ATP9A: variants seen among roughly 807,000 people sequenced by gnomAD.
The protein encoded by ATP9A is probable phospholipid-transporting ATPase IIA.
Under a neutral mutation model 144.1 loss-of-function variants are expected in ATP9A, and 52 were observed. The ratio of observed to expected loss-of-function variants is 0.36; its 90% CI spans 0.29 to 0.45. ATP9A has a LOEUF of 0.45. Ranked by LOEUF, ATP9A falls within the 20% of genes least tolerant of loss-of-function variation. The pLI is 1.00. For synonymous variants in ATP9A, 582 were observed against 557.4 expected, an observed-to-expected ratio of 1.04 and a Z score of -0.62; for missense variants, 947 against 1,392.7, an observed-to-expected ratio of 0.68 and a Z score of 5.09.
At chr20:51,628,800 C>T (rs1439045230) in intron 16 of ATP9A, among the ~76,000 whole-genome samples, 180 bp downstream of exon 16, 1 of 152,258 alleles carries the variant, frequency 6.6e-6, no homozygotes, top group South Asian at 2.1e-4. Flanking sequence ...GCCACACCAG[C>T]ATCCCTGACC....
chr20:51,607,200 C>T (rs1367532843), intron 26 of ATP9A, among the ~76,000 whole-genome samples: 7 of 152,174 alleles, frequency 4.6e-5, no homozygotes, highest in Non-Finnish European at 8.8e-5. Context: ...TCCAAAACTA[C>T]GACTTGACCT....
At chr20:51,725,748 G>A in intron 3 of ATP9A, 71 bp downstream of exon 3, 2 of 1,106,812 alleles carry the variant, frequency 1.8e-6, no homozygotes, top group Non-Finnish European at 2.8e-6. Flanking sequence ...AGATGCCTAA[G>A]TGAGAGAAAC....
chr20:51,623,799 A>AG (rs2077236507), intron 18 of ATP9A, among the ~76,000 whole-genome samples: 1 of 143,392 alleles, frequency 7.0e-6, no homozygotes, highest in African/African-American at 2.6e-5. Flanking sequence ...AAAAAAAAAA[A>AG]AAAAAGAAAG....
chr20:51,634,679 A>C (rs574580396), intron 15 of ATP9A, among the ~76,000 whole-genome samples: 70 of 152,026 alleles, frequency 4.6e-4, no homozygotes, highest in African/African-American at 1.7e-3. Context: ...AACATGGAGA[A>C]ACCCCATCTC....
rs146853504 is a variant in ATP9A, at chr20:51,613,547, T to C, written c.2571+130A>G. The C allele has an allele frequency of 9.2e-6, 10 of 1,089,708 alleles. No homozygotes were observed. In the East Asian group the frequency reaches 2.2e-4, roughly 24 times the overall value. The allele number at this position is 1,089,708 out of a possible 1,614,324, so 67.5% of individuals were successfully genotyped here. On this transcript the variant is annotated intron_variant, in intron 23 of 27. Coordinates refer to ENST00000338821, the MANE Select transcript of ATP9A (RefSeq NM_006045.3). ...AGGTAGGGGTGACAGCTCCAAAGCATAATCTAATTCCCAGGCTTTTTCCAT... is the reference window on the plus strand; with the variant it reads ...AGGTAGGGGTGACAGCTCCAAAGCACAATCTAATTCCCAGGCTTTTTCCAT...
At position 51,703,666 on chromosome 20, in the gene ATP9A, T is replaced by C. The variant is rs186094913; in HGVS notation, c.437-6184A>G. Among the ~76,000 whole-genome samples the C allele has an allele frequency of 3.9e-5, 6 of 152,278 alleles. No homozygotes were observed. The East Asian group carries it at 9.7e-4, about 24-fold the overall frequency. Reference sequence around the variant, plus strand: ...TCAGAATAAGAGCAGTTTGTCTACATTGCAGGGAGAAACCAGATGTTTCCC... The same window carrying C: ...TCAGAATAAGAGCAGTTTGTCTACACTGCAGGGAGAAACCAGATGTTTCCC... On this transcript the variant is annotated intron_variant, in intron 4 of 27. Transcript: ENST00000338821.
intron 1 of ATP9A, among the ~76,000 whole-genome samples, chr20:51,753,825 C>A (rs1453230605): frequency 6.6e-6 from 1 of 151,574 alleles, no homozygotes; most frequent in African/African-American, 2.4e-5. Flanking sequence ...TGCCACCATG[C>A]CCAGCTAATT....
intron 14 of ATP9A, among the ~76,000 whole-genome samples, chr20:51,646,907 T>C (rs1601079770): frequency 6.6e-6 from 1 of 151,912 alleles, no homozygotes; most frequent in South Asian, 2.1e-4. Context: ...ACCTGAGGTA[T>C]GGAGCCTCAA....
Position 51,607,413 on chromosome 20 carries a change from CTCCT to C in ATP9A, c.2803+110_2803+113del. Reference sequence around the variant, plus strand: ...GTCTCCCCTGGGTCCCACTGCCACCCTCCTTCCTGCTATTTCAGATTCGTTTCTT... The same window carrying C: ...GTCTCCCCTGGGTCCCACTGCCACCCTCCTGCTATTTCAGATTCGTTTCTT... On this transcript the variant is annotated intron_variant, in intron 26 of 27. Transcript: ENST00000338821. 3 of 965,332 alleles carry C rather than the reference CTCCT, an allele frequency of 3.1e-6. No individual in the cohort carries two copies. The Admixed American group carries it at 6.6e-5, about 21-fold the overall frequency. The allele number at this position is 965,332 out of a possible 1,614,324, so 59.8% of individuals were successfully genotyped here. A position where few individuals can be genotyped will look rare whatever the true frequency, so the allele number is the denominator to read the frequency against.
intron 13 of ATP9A, among the ~76,000 whole-genome samples, chr20:51,663,611 G>A (rs1455110939): frequency 2.0e-5 from 3 of 151,892 alleles, no homozygotes; most frequent in Non-Finnish European, 4.4e-5. Flanking sequence ...TGGCTAACAT[G>A]GTGAAACCCC....
At chr20:51,748,703 G>A (rs1034424654) in intron 1 of ATP9A, among the ~76,000 whole-genome samples, 6 of 152,166 alleles carry the variant, frequency 3.9e-5, no homozygotes, top group African/African-American at 1.4e-4. Context: ...CTTCACTTCA[G>A]CCATTCCCCT....
chr20:51,610,548 C>A (rs2077181069), intron 23 of ATP9A, among the ~76,000 whole-genome samples: 1 of 152,194 alleles, frequency 6.6e-6, no homozygotes, highest in African/African-American at 2.4e-5. Flanking sequence ...ATGAGCACAG[C>A]TGATCTCCAG....
chr20:51,732,683 C>G (rs1352013000), intron 1 of ATP9A: 1 of 146,198 alleles, frequency 6.8e-6, no homozygotes, highest in Non-Finnish European at 1.5e-5. Context: ...GCCAGAGACA[C>G]ACACAGAAGC....
At chr20:51,740,332 A>T (rs928170051) in intron 1 of ATP9A, among the ~76,000 whole-genome samples, 2 of 151,316 alleles carry the variant, frequency 1.3e-5, no homozygotes, top group African/African-American at 4.9e-5. Context: ...TGCTGGGGTT[A>T]CAGGTATGAG....
intron 9 of ATP9A, among the ~76,000 whole-genome samples, chr20:51,684,416 G>T (rs1467771258): frequency 6.6e-6 from 1 of 152,196 alleles, no homozygotes; most frequent in Admixed American, 6.5e-5. Flanking sequence ...AGAAAATACG[G>T]CCAGGCGCGG....
intron 1 of ATP9A, among the ~76,000 whole-genome samples, chr20:51,735,253 G>A (rs116865483): frequency 0.014 from 2,158 of 152,238 alleles, 17 homozygotes; most frequent in Non-Finnish European, 0.02. Context: ...ACACAAAACC[G>A]AAAAGCAAGG....
At chr20:51,661,660 T>G (rs1421736185) in intron 13 of ATP9A, among the ~76,000 whole-genome samples, 1 of 151,242 alleles carries the variant, frequency 6.6e-6, no homozygotes, top group Non-Finnish European at 1.5e-5. Flanking sequence ...TGTGAGCCAC[T>G]GCACCCAGCC....
chr20:51,628,066 C>A (rs2077256713), intron 16 of ATP9A, among the ~76,000 whole-genome samples: 1 of 152,176 alleles, frequency 6.6e-6, no homozygotes, highest in Non-Finnish European at 1.5e-5. Flanking sequence ...CAGTGGCCTC[C>A]ACGTGTTCCC....
chr20:51,729,207 G>C (rs1419552868), intron 2 of ATP9A, among the ~76,000 whole-genome samples: 1 of 152,016 alleles, frequency 6.6e-6, no homozygotes, highest in African/African-American at 2.4e-5. Flanking sequence ...CTGCTGTTTT[G>C]GTCATAATGC....
Sources: gnomAD v4.1 joint callset for allele counts (sites outside exome capture counted in the v4.1 genomes callset) on GRCh38, gnomAD v4.1.1 for gene constraint, MANE v1.5 for transcripts, NCBI Gene and HGNC (gene_info 2026-07-23, HGNC 2026-07-21) for gene names.